The following ZNF879 variants were observed in gnomAD, a reference collection of about 807,000 sequenced individuals.
The protein encoded by ZNF879 is zinc finger protein 879.
Under a neutral mutation model 44.3 loss-of-function variants are expected in ZNF879, and 32 were observed. The ratio of observed to expected loss-of-function variants is 0.72; its 90% CI spans 0.54 to 0.97. The LOEUF is 0.97. ZNF879 is among the 50% of genes least tolerant of loss of function. The probability of loss-of-function intolerance (pLI) is 0.00; values close to 1 mark genes in which losing one functional copy is unlikely to be tolerated. For missense variants in ZNF879, 621 were observed against 669.7 expected (o/e 0.93, Z 0.80); for synonymous variants, 234 against 233.2 (o/e 1.00, Z -0.03).
At chr5:179,027,672 G>A in intron 3 of ZNF879, 73 bp downstream of exon 3, 1 of 1,556,326 alleles carries the variant, frequency 6.4e-7, no homozygotes, top group South Asian at 1.2e-5. Context: ...ACATTTGGAG[G>A]GCTTGGCCAG....
In ZNF879 at chr5:179,032,205, G is replaced by C; in HGVS notation, c.257G>C (p.Gly86Ala). The C allele has an allele frequency of 6.7e-7, 1 of 1,502,952 alleles. No homozygotes were observed. 93.1% of individuals were successfully genotyped at this position (1,502,952 alleles called of 1,614,324 possible). The stretch of plus-strand genomic sequence containing the variant: ...GACTTATATGTTTTGTCTACTTTAG[G>C]ATGGGAAAGCTTGTTTGGAACCATA... ...ESGVPQGAHL[G>A]WESLFGTIVS... Residue 86 changes from glycine (G) to alanine (A), a missense_variant and splice_region_variant, in exon 5 of 5, where the codon GGA becomes GCA. Physicochemically the swap from Gly to Ala is moderately conservative, Grantham distance 60 (BLOSUM62 0). Coordinates refer to ENST00000444149, the MANE Select transcript of ZNF879 (RefSeq NM_001136116.3).
rs572401062 is a variant in ZNF879 at position 179,032,441 on chromosome 5, G to C, written c.493G>C (p.Gly165Arg). The C allele has an allele frequency of 6.4e-7, 1 of 1,551,474 alleles. No homozygotes were observed. Among genetic ancestry groups the C allele is most frequent in the Non-Finnish European group, 8.7e-7 (1 of 1,146,980 alleles). ...FKGVEFGKNLGLKSSLIRKPR... is the reference protein window; with the variant it reads ...FKGVEFGKNLRLKSSLIRKPR... ...AGGTGTTGAATTTGGGAAAAATCTT[G>C]GTCTAAAATCATCGCTTATTAGAAA... The change falls in exon 5 of 5, where the codon GGT (glycine) becomes CGT (arginine). Residue 165 changes from glycine to arginine, a missense_variant. Transcript: ENST00000444149.
chr5:179,028,989 G>A (rs1445757887), intron 4 of ZNF879, among the ~76,000 whole-genome samples: 3 of 151,984 alleles, frequency 2.0e-5, no homozygotes, highest in African/African-American at 7.3e-5. Context: ...ATTTTCTTGG[G>A]TAACGGTTTT....
intron 3 of ZNF879, 130 bp downstream of exon 3, chr5:179,027,729 G>A: frequency 7.8e-7 from 1 of 1,276,864 alleles, no homozygotes; most frequent in Non-Finnish European, 1.1e-6. Flanking sequence ...CATTCCCCTT[G>A]GTTGTATGGA....
At chr5:179,030,761 A>G (rs1024295830) in intron 4 of ZNF879, among the ~76,000 whole-genome samples, 3 of 152,196 alleles carry the variant, frequency 2.0e-5, no homozygotes, top group African/African-American at 4.8e-5. Flanking sequence ...AAGCTGTTTC[A>G]TAAAATACAA....
Position 179,027,550 on chromosome 5 carries a change from C to T in ZNF879, c.111C>T (p.Ala37=). The T allele has an allele frequency of 1.9e-6, 3 of 1,614,120 alleles. No homozygotes were observed. Among genetic ancestry groups the T allele is most frequent in the Non-Finnish European group, 2.5e-6 (3 of 1,180,028 alleles). ...TGCACCTGGACTCTGCCCAGAGAGC[C>T]TTGTACCGGGAGGTGATGCTGGAGA... is the stretch of plus-strand genomic sequence containing the variant. ...EWLHLDSAQR[A]LYREVMLENY... The change falls in exon 3 of 5, where the codon GCC becomes GCT. Residue 37 remains alanine (A), a synonymous_variant. Transcript: ENST00000444149.
At chr5:179,030,301 A>G (rs1761385769) in intron 4 of ZNF879, among the ~76,000 whole-genome samples, 1 of 152,174 alleles carries the variant, frequency 6.6e-6, no homozygotes. Flanking sequence ...AATCAATTCC[A>G]AGTGTAGAAA....
In ZNF879 at chr5:179,033,661, G is replaced by C; in HGVS notation, c.*21G>C. 1 of 1,439,840 alleles carries C rather than the reference G, an allele frequency of 6.9e-7. No individual in the cohort carries two copies. Among genetic ancestry groups the C allele is most frequent in the Non-Finnish European group, 9.2e-7 (1 of 1,084,028 alleles). The allele number at this position is 1,439,840 out of a possible 1,614,324, so 89.2% of individuals were successfully genotyped here. On this transcript the variant is annotated 3_prime_UTR_variant, in exon 5 of 5. Coordinates refer to ENST00000444149, the MANE Select transcript of ZNF879 (RefSeq NM_001136116.3). Reference sequence around the variant, plus strand: ...ATTGAGAAAAACTGTATAAATGCATGTAGGAACTGAAGTTATATTCCATAC... The same window carrying C: ...ATTGAGAAAAACTGTATAAATGCATCTAGGAACTGAAGTTATATTCCATAC...
rs1052614448 is a variant in ZNF879 at position 179,023,833 on chromosome 5, T to C, written c.-107T>C. ...TTGCGCCCGGCAGCGACGGGAAACG[T>C]CTCTGAATTAGGTGTTCCGCTCGCC... On this transcript the variant is annotated 5_prime_UTR_variant, in exon 1 of 5. Coordinates refer to ENST00000444149, the MANE Select transcript of ZNF879 (RefSeq NM_001136116.3). 2.0e-5 allele frequency: 3 copies of C among 152,258 alleles called. No homozygotes were observed. Among genetic ancestry groups the C allele is most frequent in the African/African-American group, 2.4e-5 (1 of 41,464 alleles). 9.4% of individuals were successfully genotyped at this position (152,258 alleles called of 1,614,324 possible).
At chr5:179,029,728 T>C (rs1761371791) in intron 4 of ZNF879, among the ~76,000 whole-genome samples, 1 of 152,232 alleles carries the variant, frequency 6.6e-6, no homozygotes, top group African/African-American at 2.4e-5. Flanking sequence ...CCATTCAAAC[T>C]GCATATTTGC....
At chr5:179,027,351 A>T in intron 2 of ZNF879, 122 bp from the exon 3 acceptor site, 1 of 1,369,892 alleles carries the variant, frequency 7.3e-7, no homozygotes, top group Non-Finnish European at 1.0e-6. Context: ...TGTGCTTGGT[A>T]ACTGAAAAGT....
chr5:179,032,589 T>C lies in ZNF879; in HGVS notation c.641T>C (p.Leu214Pro). Residue 214 changes from leucine to proline, a missense_variant, in exon 5 of 5, where the codon CTC becomes CCC. Transcript: ENST00000444149. ...YKCNICGKIF[L>P]HSSSLSKHQR... is the part of the protein sequence containing the mutation. ...TGTAATATCTGTGGGAAAATCTTCC[T>C]CCACAGTTCCTCCCTGAGTAAACAC... 2 of 1,556,044 alleles carry C rather than the reference T, an allele frequency of 1.3e-6. No homozygotes were observed.
intron 2 of ZNF879, among the ~76,000 whole-genome samples, chr5:179,025,609 G>T (rs1014796148): frequency 2.0e-5 from 3 of 152,186 alleles, no homozygotes; most frequent in African/African-American, 7.2e-5. Flanking sequence ...AGACACGGAG[G>T]AGTTAAATAA....
At chr5:179,028,381 A>G (rs1487590574) in intron 4 of ZNF879, among the ~76,000 whole-genome samples, 1 of 152,196 alleles carries the variant, frequency 6.6e-6, no homozygotes, top group Non-Finnish European at 1.5e-5. Context: ...GTAAAGGTTT[A>G]TAATTCTTTT....
intron 4 of ZNF879, among the ~76,000 whole-genome samples, chr5:179,031,168 T>C (rs1387596013): frequency 6.6e-6 from 1 of 152,212 alleles, no homozygotes; most frequent in Non-Finnish European, 1.5e-5. Flanking sequence ...TTACAGTTTG[T>C]TTTTCATATA....
chr5:179,028,251 C>T (rs774633749), intron 4 of ZNF879, 124 bp downstream of exon 4: 9 of 797,798 alleles, frequency 1.1e-5, no homozygotes, highest in Non-Finnish European at 1.8e-5. Flanking sequence ...GAAGGTAGAT[C>T]CTTTCTCTTT....
chr5:179,027,335 TA>T, intron 2 of ZNF879, 137 bp from the exon 3 acceptor site: 7 of 1,248,790 alleles, frequency 5.6e-6, no homozygotes, highest in Non-Finnish European at 7.8e-6. Context: ...AGGTAAATGA[TA>T]AATGTGTGCT....
At chr5:179,028,863 C>T (rs114966350) in intron 4 of ZNF879, among the ~76,000 whole-genome samples, 150 of 152,302 alleles carry the variant, frequency 9.8e-4, no homozygotes, top group African/African-American at 3.4e-3. Context: ...AGCTTTACCA[C>T]GTGTCTGGTG....
chr5:179,028,069 A>C lies in ZNF879; in HGVS notation c.198A>C (p.Leu66Phe). The change falls in exon 4 of 5, where the codon TTA becomes TTC. Residue 66 changes from leucine (L) to phenylalanine (F), a missense_variant. Physicochemically the swap from Leu to Phe is conservative, Grantham distance 22. Transcript: ENST00000444149. ...CCAAGCCAAAGGTCATCTCCCAGTTAGAGCAAGGAGAAGACCCCTGGATGG... is the reference window on the plus strand; with the variant it reads ...CCAAGCCAAAGGTCATCTCCCAGTTCGAGCAAGGAGAAGACCCCTGGATGG... ...LFSKPKVISQ[L>F]EQGEDPWMVE... 6.4e-7 allele frequency: 1 copy of C among 1,551,564 alleles called. No individual in the cohort carries two copies. Among genetic ancestry groups the C allele is most frequent in the Non-Finnish European group, 8.7e-7 (1 of 1,146,956 alleles).
Sources: allele counts gnomAD v4.1 joint callset (sites outside exome capture counted in the v4.1 genomes callset), GRCh38; gene constraint gnomAD v4.1.1; transcripts MANE v1.5; gene names NCBI Gene and HGNC (gene_info 2026-07-23, HGNC 2026-07-21).